The following EIF4A2 variants were observed in gnomAD, a reference collection of about 807,000 sequenced individuals.
EIF4A2 encodes the protein eukaryotic initiation factor 4A-II.
In EIF4A2, 9 loss-of-function variants were observed where a neutral mutation model predicts 50.6. That is an observed-to-expected ratio of 0.18 (90% CI 0.11 to 0.31). The LOEUF is 0.31. EIF4A2 is among the 10% of genes least tolerant of loss of function. The pLI, the probability that EIF4A2 is intolerant of heterozygous loss-of-function variation, is 1.00. For synonymous variants in EIF4A2, 215 were observed against 164.4 expected (o/e 1.31, Z -2.35); for missense variants, 182 against 501.8 (o/e 0.36, Z 6.09).
chr3:186,789,344 T>G lies in EIF4A2; in HGVS notation c.*75T>G. The G allele has an allele frequency of 1.3e-6, 2 of 1,514,544 alleles. No individual in the cohort carries two copies. Among genetic ancestry groups the G allele is most frequent in the Non-Finnish European group, 1.8e-6 (2 of 1,129,132 alleles). 93.8% of individuals were successfully genotyped at this position (1,514,544 alleles called of 1,614,324 possible). A position where few individuals can be genotyped will look rare whatever the true frequency, so the allele number is the denominator to read the frequency against. On this transcript the variant is annotated 3_prime_UTR_variant, in exon 11 of 11. Transcript: ENST00000323963. ...GATCACAACGTGCATTGTGCTTCTT[T>G]CTTTGGGAATATTTGAATCTTGTCT...
chr3:186,788,086 G>A (rs1181847000), intron 10 of EIF4A2: 1 of 715,840 alleles, frequency 1.4e-6, no homozygotes, highest in Non-Finnish European at 2.2e-6. Flanking sequence ...TGTGGACATA[G>A]GGTTTTTTTC....
chr3:186,785,226 C>A (rs1721620457), intron 4 of EIF4A2, 125 bp downstream of exon 4: 7 of 1,399,534 alleles, frequency 5.0e-6, no homozygotes, highest in Non-Finnish European at 6.8e-6. Flanking sequence ...ATTGTCCATG[C>A]ATGCAGGGAG....
intron 1 of EIF4A2, 198 bp from the exon 2 acceptor site, chr3:186,784,234 T>G (rs1036935062): frequency 4.1e-6 from 3 of 736,316 alleles, no homozygotes; most frequent in South Asian, 3.7e-5. Context: ...CGCTCGGGCC[T>G]GGGGGGCTGC....
rs756667726 is a variant in EIF4A2 at position 186,785,119 on chromosome 3, C to G, written c.348+18C>G. 1.1e-5 allele frequency: 17 copies of G among 1,610,008 alleles called. 1 individual carries two copies. The South Asian group carries it at 1.7e-4, about 16-fold the overall frequency. On this transcript the variant is annotated intron_variant, in intron 4 of 10. Transcript: ENST00000323963. ...CTCAACAGGTATTGATAGTGTAGTT[C>G]AAAAAAACTGCTTGCGTGTTGCATA...
intron 6 of EIF4A2, 88 bp downstream of exon 6, chr3:186,786,361 G>T (rs1721706953): frequency 6.6e-7 from 1 of 1,513,940 alleles, no homozygotes; most frequent in Non-Finnish European, 8.9e-7. Flanking sequence ...GTGTTTTGTT[G>T]TCGTTCCCCC....
At chr3:186,785,564 C>T (rs553941175) in intron 4 of EIF4A2, 4 of 328,810 alleles carry the variant, frequency 1.2e-5, no homozygotes, top group Middle Eastern at 9.3e-4. Context: ...AAATCATTTG[C>T]CCTAGCTGTA....
chr3:186,784,816 T>A, intron 3 of EIF4A2, 120 bp downstream of exon 3: 1 of 1,600,140 alleles, frequency 6.2e-7, no homozygotes, highest in Non-Finnish European at 8.5e-7. Context: ...ATGGCAATCA[T>A]CTTTCGGGAC....
At chr3:186,784,234 T>C (rs1036935062) in intron 1 of EIF4A2, 198 bp from the exon 2 acceptor site, 30 of 736,314 alleles carry the variant, frequency 4.1e-5, no homozygotes, top group Non-Finnish European at 6.1e-5. Context: ...CGCTCGGGCC[T>C]GGGGGGCTGC....
intron 1 of EIF4A2, 72 bp downstream of exon 1, chr3:186,783,711 C>T: frequency 6.2e-7 from 1 of 1,610,308 alleles, no homozygotes; most frequent in Non-Finnish European, 8.5e-7. Flanking sequence ...TAGTGGATGG[C>T]ACGGAGGCAA....
At chr3:186,785,566 C>G (rs904909816) in intron 4 of EIF4A2, 4 of 332,644 alleles carry the variant, frequency 1.2e-5, no homozygotes, top group Non-Finnish European at 1.7e-5. Flanking sequence ...ATCATTTGCC[C>G]TAGCTGTAAT....
chr3:186,787,129 A>G lies in EIF4A2; in HGVS notation c.774A>G (p.Glu258=), dbSNP rs1431044103. Residue 258 remains glutamate, a splice_region_variant and synonymous_variant, in exon 8 of 11, where the codon GAA becomes GAG. Coordinates refer to ENST00000323963, the MANE Select transcript of EIF4A2 (RefSeq NM_001967.4). ...KQFYINVERE[E]WKLDTLCDLY... ...ACTTTAACTTCTAAACATTACAGGA[A>G]TGGAAGTTGGATACACTTTGTGACT... The G allele has an allele frequency of 1.2e-6, 2 of 1,613,520 alleles. No homozygotes were observed. The highest frequency in any genetic ancestry group is 1.3e-5 in the African/African-American group (1 of 75,046).
At chr3:186,788,074 A>T (rs1721860329) in intron 10 of EIF4A2, 192 bp downstream of exon 10, 3 of 735,412 alleles carry the variant, frequency 4.1e-6, no homozygotes, top group Admixed American at 3.0e-5. Context: ...CATTGCCCAG[A>T]TTGTGGACAT....
chr3:186,784,797 A>G lies in EIF4A2; in HGVS notation c.208+101A>G, dbSNP rs541382107. ...ACTAGCACCTGTTTGTATTCCTTAA[A>G]GTGAAATGATGGCAATCATCTTTCG... On this transcript the variant is annotated intron_variant, in intron 3 of 10. Coordinates refer to ENST00000323963, the MANE Select transcript of EIF4A2 (RefSeq NM_001967.4). The G allele has an allele frequency of 2.5e-6, 4 of 1,602,854 alleles. No homozygotes were observed. In the African/African-American group the frequency reaches 4.0e-5, roughly 16 times the overall value.
chr3:186,786,779 T>G, intron 7 of EIF4A2, 134 bp downstream of exon 7: 1 of 1,257,136 alleles, frequency 8.0e-7, no homozygotes, highest in Non-Finnish European at 1.2e-6. Context: ...GTAACAGCAC[T>G]AGATTGTAAA....
chr3:186,788,880 A>T (rs1205021102), intron 10 of EIF4A2: 7 of 470,830 alleles, frequency 1.5e-5, no homozygotes, highest in South Asian at 1.5e-4. Context: ...TCTGCTTTAT[A>T]ATAATGCTCA....
intron 6 of EIF4A2, 52 bp downstream of exon 6, chr3:186,786,325 G>A (rs781298566): frequency 1.9e-6 from 3 of 1,562,068 alleles, no homozygotes; most frequent in East Asian, 4.6e-5. Context: ...TTTATTTAAT[G>A]CAGGTACTGT....
chr3:186,788,283 TAAA>T, intron 10 of EIF4A2: 2 of 1,291,946 alleles, frequency 1.5e-6, no homozygotes, highest in South Asian at 1.2e-5. Context: ...TTATATGATG[TAAA>T]AAAAGACTTT....
Position 186,786,071 on chromosome 3 carries a change from G to A in EIF4A2, c.517+20G>A, listed in dbSNP as rs375491991. The A allele has an allele frequency of 3.2e-5, 52 of 1,600,638 alleles. No homozygotes were observed. The African/African-American group carries it at 6.6e-4, about 20-fold the overall frequency. ...ACCTTTGTAAGTATTGTCTTTAAGAGAGTATTTTTTTTAAAACTGTTAACA... is the reference window on the plus strand; with the variant it reads ...ACCTTTGTAAGTATTGTCTTTAAGAAAGTATTTTTTTTAAAACTGTTAACA... On this transcript the variant is annotated intron_variant, in intron 5 of 10. Transcript: ENST00000323963.
In EIF4A2 at chr3:186,787,515, G is replaced by A. The variant is rs1560086199; in HGVS notation, c.930G>A (p.Lys310=). The change falls in exon 9 of 11, where the codon AAG becomes AAA. Residue 310 remains lysine (K), a synonymous_variant. Coordinates refer to ENST00000323963, the MANE Select transcript of EIF4A2 (RefSeq NM_001967.4). ...VSALHGDMDQ[K]ERDVIMREFR... The stretch of plus-strand genomic sequence containing the variant: ...TGCAGCATGGTGACATGGACCAGAA[G>A]GAGAGAGATGTTATCATGAGGGAAT... The A allele has an allele frequency of 3.1e-6, 5 of 1,613,340 alleles. No individual in the cohort carries two copies. Among genetic ancestry groups the A allele is most frequent in the Non-Finnish European group, 3.4e-6 (4 of 1,179,446 alleles).
Sources: allele counts gnomAD v4.1 joint callset, GRCh38; gene constraint gnomAD v4.1.1; transcripts MANE v1.5; gene names NCBI Gene and HGNC (gene_info 2026-07-23, HGNC 2026-07-21).